The following NCOA2 variants were observed in gnomAD, a reference collection of about 807,000 sequenced individuals.
NCOA2 encodes nuclear receptor coactivator 2, also known as class E basic helix-loop-helix protein 75.
A neutral mutation model predicts 145.1 loss-of-function variants in NCOA2; 21 were observed. The ratio of observed to expected loss-of-function variants is 0.14; its 90% confidence interval spans 0.10 to 0.21. The LOEUF (loss-of-function observed/expected upper bound fraction) is 0.21. Ranked by LOEUF, NCOA2 falls within the 10% of genes least tolerant of loss-of-function variation. The pLI is 1.00. For missense variants in NCOA2, 1,472 were observed against 1,837.6 expected (o/e 0.80, Z 3.64); for synonymous variants, 619 against 637.5 (o/e 0.97, Z 0.44).
chr8:70,256,919 A>G (rs991552673), intron 2 of NCOA2, among the ~76,000 whole-genome samples: 1 of 152,226 alleles, frequency 6.6e-6, no homozygotes, highest in African/African-American at 2.4e-5. Context: ...TAGAGATGAA[A>G]AAACAGTGAA....
intron 10 of NCOA2, among the ~76,000 whole-genome samples, chr8:70,158,910 A>G (rs1032235007): frequency 2.0e-5 from 3 of 151,954 alleles, no homozygotes; most frequent in Admixed American, 6.6e-5. Context: ...GTAATGGGCA[A>G]TCATGTCTAA....
At chr8:70,226,459 C>T (rs1421564347) in intron 2 of NCOA2, among the ~76,000 whole-genome samples, 1 of 151,980 alleles carries the variant, frequency 6.6e-6, no homozygotes, top group African/African-American at 2.4e-5. Flanking sequence ...CTTGCAACAA[C>T]TGAGGGAAAC....
intron 10 of NCOA2, among the ~76,000 whole-genome samples, chr8:70,159,244 T>TATATATATATA: frequency 3.9e-4 from 27 of 69,266 alleles, no homozygotes; most frequent in African/African-American, 1.2e-3. Context: ...ATATATATAT[T>TATATATATATA]TTTTTTTTTT....
At chr8:70,207,833 A>G (rs918253886) in intron 4 of NCOA2, among the ~76,000 whole-genome samples, 4 of 141,732 alleles carry the variant, frequency 2.8e-5, no homozygotes, top group African/African-American at 1.1e-4. Flanking sequence ...ACTGAACTCC[A>G]GCCTGGGTGA....
chr8:70,387,239 C>T (rs1586659880), intron 1 of NCOA2, among the ~76,000 whole-genome samples: 1 of 152,150 alleles, frequency 6.6e-6, no homozygotes, highest in South Asian at 2.1e-4. Flanking sequence ...TCATATAACA[C>T]ACTGTAGCCT....
At chr8:70,429,056 AT>A in the NCOA2 span, among the ~76,000 whole-genome samples, 3 of 152,104 alleles carry the variant, frequency 2.0e-5, no homozygotes, top group African/African-American at 7.2e-5. Flanking sequence ...CAAAATACCA[AT>A]TTTTCATTAT....
At chr8:70,168,653 A>G (rs912704268) in intron 6 of NCOA2, among the ~76,000 whole-genome samples, 1 of 152,250 alleles carries the variant, frequency 6.6e-6, no homozygotes, top group Non-Finnish European at 1.5e-5. Flanking sequence ...TATTTACAAA[A>G]TAAAGACTAC....
chr8:70,247,184 CAACT>C (rs1365922377), intron 2 of NCOA2, among the ~76,000 whole-genome samples: 1 of 152,116 alleles, frequency 6.6e-6, no homozygotes, highest in South Asian at 2.1e-4. Flanking sequence ...ACAACACTAA[CAACT>C]AACAGAGCCT....
At chr8:70,335,764 C>T (rs1340452293) in intron 1 of NCOA2, among the ~76,000 whole-genome samples, 4 of 151,988 alleles carry the variant, frequency 2.6e-5, no homozygotes, top group Non-Finnish European at 2.9e-5. Flanking sequence ...CATCATTTTG[C>T]GAACATTGTA....
At chr8:70,199,275 T>C (rs1220170147) in intron 4 of NCOA2, among the ~76,000 whole-genome samples, 3 of 151,482 alleles carry the variant, frequency 2.0e-5, no homozygotes, top group African/African-American at 4.9e-5. Flanking sequence ...TGATGAAACC[T>C]TGTCTCTACT....
chr8:70,378,393 T>C (rs927501243), intron 1 of NCOA2, among the ~76,000 whole-genome samples: 1 of 152,070 alleles, frequency 6.6e-6, no homozygotes, highest in Non-Finnish European at 1.5e-5. Context: ...TTGAGGGAAG[T>C]AGAGTCATAG....
intron 1 of NCOA2, among the ~76,000 whole-genome samples, chr8:70,336,287 G>C (rs989592838): frequency 4.6e-5 from 7 of 152,108 alleles, no homozygotes; most frequent in South Asian, 2.1e-4. Context: ...TCGTATATAT[G>C]ATCTGTCGCT....
At chr8:70,168,906 C>A (rs967944232) in intron 6 of NCOA2, among the ~76,000 whole-genome samples, 1 of 152,074 alleles carries the variant, frequency 6.6e-6, no homozygotes, top group East Asian at 1.9e-4. Context: ...ATAAAGGAAT[C>A]CTACACAAGT....
intron 15 of NCOA2, among the ~76,000 whole-genome samples, chr8:70,134,327 T>C (rs1198027620): frequency 6.6e-6 from 1 of 152,206 alleles, no homozygotes; most frequent in Non-Finnish European, 1.5e-5. Flanking sequence ...AACATGGATA[T>C]GGCAGGAGTT....
intron 1 of NCOA2, among the ~76,000 whole-genome samples, chr8:70,371,145 C>T (rs189979390): frequency 1.3e-4 from 20 of 152,012 alleles, no homozygotes; most frequent in Admixed American, 3.3e-4. Context: ...AAAAATCAGC[C>T]GGGCGTGGTG....
chr8:70,286,502 G>T (rs886081547), intron 2 of NCOA2, among the ~76,000 whole-genome samples: 8 of 152,132 alleles, frequency 5.3e-5, no homozygotes, highest in African/African-American at 1.9e-4. Flanking sequence ...AATACTCAAA[G>T]ATAAAATTTT....
chr8:70,296,189 T>G (rs1398801030), intron 2 of NCOA2, among the ~76,000 whole-genome samples: 1 of 152,188 alleles, frequency 6.6e-6, no homozygotes, highest in African/African-American at 2.4e-5. Flanking sequence ...AGTAAAAATA[T>G]ATCACATGAT....
In NCOA2 at chr8:70,111,597, C is replaced by T. The variant is rs1235112867; in HGVS notation, c.*2035G>A. 1 of 216,752 alleles carries T rather than the reference C, an allele frequency of 4.6e-6. No homozygotes were observed. The highest frequency in any genetic ancestry group is 9.3e-6 in the Non-Finnish European group (1 of 107,884). The allele number at this position is 216,752 out of a possible 1,614,324, so 13.4% of individuals were successfully genotyped here. On this transcript the variant is annotated 3_prime_UTR_variant, in exon 23 of 23. Transcript: ENST00000452400. ...CCTTGGCCACCTCCCTGTATTGAGA[C>T]CCCTCTCAAGTGGAAAAAAGTAGCG...
chr8:70,334,593 G>A (rs1807403685), intron 1 of NCOA2, among the ~76,000 whole-genome samples: 1 of 152,072 alleles, frequency 6.6e-6, no homozygotes, highest in Admixed American at 6.6e-5. Context: ...GCCTATTAGA[G>A]CATGAAATTC....
Sources: allele counts gnomAD v4.1 joint callset (sites outside exome capture counted in the v4.1 genomes callset), GRCh38; gene constraint gnomAD v4.1.1; transcripts MANE v1.5; gene names NCBI Gene and HGNC (gene_info 2026-07-23, HGNC 2026-07-21).